The following CNGA1 variants were observed in gnomAD, a reference collection of about 807,000 sequenced individuals.
The protein encoded by CNGA1 is cyclic nucleotide-gated channel alpha-1.
Under a neutral mutation model 69.7 loss-of-function variants are expected in CNGA1, and 53 were observed. The observed-to-expected ratio is 0.76, with a 90% CI of 0.61 to 0.96. The LOEUF (loss-of-function observed/expected upper bound fraction) is 0.96. Among genes scored for constraint, CNGA1 ranks in the 40% least tolerant of loss-of-function variants. CNGA1 has a pLI of 0.00. For synonymous variants in CNGA1, 249 were observed against 283.5 expected (o/e 0.88, Z 1.22); for missense variants, 739 against 811.2 (o/e 0.91, Z 1.08).
At chr4:47,999,119 AAG>A (rs1043491922) in intron 2 of CNGA1, among the ~76,000 whole-genome samples, 4 of 145,272 alleles carry the variant, frequency 2.8e-5, no homozygotes, top group African/African-American at 1.1e-4. Flanking sequence ...TTTTGAGAGA[AAG>A]AGAGAGAGAC....
intron 6 of CNGA1, among the ~76,000 whole-genome samples, chr4:47,948,233 T>C (rs1650033615): frequency 1.3e-5 from 2 of 151,082 alleles, no homozygotes; most frequent in African/African-American, 4.9e-5. Flanking sequence ...GATCCAGTGG[T>C]CCTATCATAA....
rs756125453 is a variant in CNGA1 at position 47,937,464 on chromosome 4, G to A, written c.1018C>T (p.Arg340Cys). The A allele has an allele frequency of 1.4e-5, 22 of 1,613,984 alleles. No homozygotes were observed. The highest frequency in any genetic ancestry group is 2.2e-5 in the South Asian group (2 of 91,090). The change falls in exon 11 of 11, where the codon CGT (arginine) becomes TGT (cysteine). Residue 340 changes from arginine to cysteine, a missense_variant. Coordinates refer to ENST00000514170, the MANE Select transcript of CNGA1 (RefSeq NM_001379270.1). ...CTGTATACGTATTTTCTAGCCAAAC[G>A]GCCAAATTCAGGATCATTAATATCA... is the stretch of plus-strand genomic sequence containing the variant. ...YPDINDPEFG[R>C]LARKYVYSLY...
chr4:47,998,862 G>C (rs368270499), intron 2 of CNGA1, among the ~76,000 whole-genome samples: 1 of 152,270 alleles, frequency 6.6e-6, no homozygotes, highest in African/African-American at 2.4e-5. Flanking sequence ...CTAGGTTAAA[G>C]GATACAGTAC....
intron 2 of CNGA1, among the ~76,000 whole-genome samples, chr4:48,003,667 A>G (rs1285016636): frequency 6.6e-6 from 1 of 152,182 alleles, no homozygotes; most frequent in Non-Finnish European, 1.5e-5. Context: ...ATAACCTAGG[A>G]AAAACCAGGC....
At chr4:47,955,173 C>CTTTTTTTTTTTTTTTTTTTT (rs377338639) in intron 3 of CNGA1, among the ~76,000 whole-genome samples, 6 of 98,196 alleles carry the variant, frequency 6.1e-5, no homozygotes, top group Non-Finnish European at 9.8e-5. Context: ...TTTTTCTTTT[C>CTTTTTTTTTTTTTTTTTTTT]TTTTTTTTTT....
intron 6 of CNGA1, among the ~76,000 whole-genome samples, chr4:47,949,474 A>G (rs1376977566): frequency 6.6e-6 from 1 of 152,100 alleles, no homozygotes; most frequent in African/African-American, 2.4e-5. Flanking sequence ...CATTCCCAAC[A>G]AACTTCTGCA....
intron 2 of CNGA1, among the ~76,000 whole-genome samples, chr4:47,983,889 A>G (rs1294149428): frequency 1.3e-5 from 2 of 152,230 alleles, no homozygotes; most frequent in Non-Finnish European, 2.9e-5. Context: ...GGCTGCTACC[A>G]TATCAGAGTT....
intron 2 of CNGA1, among the ~76,000 whole-genome samples, chr4:47,995,070 T>C (rs2071234566): frequency 6.6e-6 from 1 of 152,212 alleles, no homozygotes; most frequent in Admixed American, 6.5e-5. Context: ...GGCTTTCCTT[T>C]ATAGGCTACC....
intron 2 of CNGA1, among the ~76,000 whole-genome samples, chr4:48,002,793 A>C (rs1304234577): frequency 6.6e-6 from 1 of 152,074 alleles, no homozygotes; most frequent in Non-Finnish European, 1.5e-5. Flanking sequence ...GGAAGCTCAT[A>C]TCTTATAACC....
intron 2 of CNGA1, among the ~76,000 whole-genome samples, chr4:47,993,031 G>C (rs1189558016): frequency 6.6e-6 from 1 of 152,082 alleles, no homozygotes; most frequent in Non-Finnish European, 1.5e-5. Context: ...CTACATCCCT[G>C]GTATGAAACC....
chr4:47,960,159 G>C (rs1481028975), intron 3 of CNGA1, among the ~76,000 whole-genome samples: 1 of 152,102 alleles, frequency 6.6e-6, no homozygotes, highest in Admixed American at 6.5e-5. Context: ...ATAAGCACAT[G>C]AAAATGTGCT....
chr4:48,006,628 T>C (rs977977364), intron 2 of CNGA1, among the ~76,000 whole-genome samples: 1 of 145,496 alleles, frequency 6.9e-6, no homozygotes, highest in Non-Finnish European at 1.5e-5. Flanking sequence ...AAAAAAGACA[T>C]AATTTTTTTT....
At chr4:47,965,638 G>A (rs1214958455) in intron 3 of CNGA1, among the ~76,000 whole-genome samples, 1 of 151,966 alleles carries the variant, frequency 6.6e-6, no homozygotes, top group Admixed American at 6.6e-5. Flanking sequence ...TGTTGGCCAG[G>A]CTGGTCTCAA....
chr4:47,953,359 A>G (rs936135757), intron 3 of CNGA1, among the ~76,000 whole-genome samples: 2 of 152,218 alleles, frequency 1.3e-5, no homozygotes, highest in Non-Finnish European at 2.9e-5. Flanking sequence ...GTAACTGTAG[A>G]ACAAAACCAT....
At chr4:47,982,783 C>T (rs1237773262) in intron 2 of CNGA1, among the ~76,000 whole-genome samples, 1 of 151,712 alleles carries the variant, frequency 6.6e-6, no homozygotes, top group East Asian at 1.9e-4. Flanking sequence ...ATATTTTTTC[C>T]TCTGGTCTAA....
At chr4:47,981,911 T>C (rs1741733516) in intron 2 of CNGA1, among the ~76,000 whole-genome samples, 1 of 152,230 alleles carries the variant, frequency 6.6e-6, no homozygotes, top group African/African-American at 2.4e-5. Flanking sequence ...GCCATGATAT[T>C]AAAAGTTATT....
At chr4:48,005,757 G>C (rs1714891469) in intron 2 of CNGA1, among the ~76,000 whole-genome samples, 1 of 152,180 alleles carries the variant, frequency 6.6e-6, no homozygotes, top group African/African-American at 2.4e-5. Context: ...GATTCCATAA[G>C]CCAAGTTTGA....
chr4:47,975,100 G>C (rs1445513564), intron 3 of CNGA1, among the ~76,000 whole-genome samples: 2 of 152,096 alleles, frequency 1.3e-5, no homozygotes, highest in African/African-American at 4.8e-5. Flanking sequence ...TTGTTAAAGA[G>C]ACAAAGAAAC....
At chr4:47,966,717 C>A (rs189314410) in intron 3 of CNGA1, among the ~76,000 whole-genome samples, 95 of 152,156 alleles carry the variant, frequency 6.2e-4, no homozygotes, top group African/African-American at 2.0e-3. Context: ...AAATCTGAAA[C>A]CTTTAGGATC....
Sources: allele counts gnomAD v4.1 joint callset (sites outside exome capture counted in the v4.1 genomes callset), GRCh38; gene constraint gnomAD v4.1.1; transcripts MANE v1.5; gene names NCBI Gene and HGNC (gene_info 2026-07-23, HGNC 2026-07-21).